GRIK2: variants seen among roughly 807,000 people sequenced by gnomAD.
GRIK2 encodes the protein glutamate receptor ionotropic, kainate 2.
A neutral mutation model predicts 100.3 loss-of-function variants in GRIK2; 32 were observed. The observed-to-expected ratio is 0.32, with a 90% CI of 0.24 to 0.43. GRIK2 has a LOEUF of 0.43. Ranked by LOEUF, GRIK2 falls within the 20% of genes least tolerant of loss-of-function variation. The probability of loss-of-function intolerance (pLI) is 1.00; values close to 1 mark genes in which losing one functional copy is unlikely to be tolerated. For missense variants in GRIK2, 843 were observed against 1,114.9 expected, an observed-to-expected ratio of 0.76 and a Z score of 3.47; for synonymous variants, 417 against 389.4, an observed-to-expected ratio of 1.07 and a Z score of -0.83.
intron 1 of GRIK2, among the ~76,000 whole-genome samples, chr6:101,397,343 C>T (rs1323611316): frequency 2.0e-5 from 3 of 152,088 alleles, no homozygotes; most frequent in African/African-American, 4.8e-5. Flanking sequence ...GAAGACAGAA[C>T]GTGTTGGGCT....
At chr6:101,537,636 T>C (rs1007952775) in intron 2 of GRIK2, among the ~76,000 whole-genome samples, 10 of 151,696 alleles carry the variant, frequency 6.6e-5, no homozygotes, top group African/African-American at 2.4e-4. Context: ...TGTGAGAGGA[T>C]TTCAAATTGT....
intron 11 of GRIK2, among the ~76,000 whole-genome samples, chr6:101,875,351 C>G (rs927728820): frequency 9.2e-5 from 14 of 151,814 alleles, no homozygotes; most frequent in African/African-American, 3.1e-4. Context: ...TTTTTAAGTA[C>G]TATCGCTAGT....
chr6:101,785,681 T>C (rs986960870), intron 7 of GRIK2, among the ~76,000 whole-genome samples: 1 of 152,192 alleles, frequency 6.6e-6, no homozygotes, highest in Non-Finnish European at 1.5e-5. Context: ...TCTATGTGTC[T>C]GTTTTTATAC....
chr6:101,692,571 G>T (rs1351612462), intron 7 of GRIK2, among the ~76,000 whole-genome samples: 2 of 152,018 alleles, frequency 1.3e-5, no homozygotes, highest in Non-Finnish European at 2.9e-5. Flanking sequence ...AAAATGTGAT[G>T]TTGATTGCTT....
Position 101,422,848 on chromosome 6 carries a change from C to T in GRIK2, c.115+23456C>T, listed in dbSNP as rs115790733. Reference sequence around the variant, plus strand: ...ACCAGAAAAAATAATTATGTGAATACATATGTGGACATCACTTAGAACTCT... The same window carrying T: ...ACCAGAAAAAATAATTATGTGAATATATATGTGGACATCACTTAGAACTCT... On this transcript the variant is annotated intron_variant, in intron 2 of 16. Coordinates refer to ENST00000369134, the MANE Select transcript of GRIK2 (RefSeq NM_021956.5). Among the ~76,000 whole-genome samples the T allele has an allele frequency of 2.6e-3, 394 of 152,218 alleles. 2 individuals are homozygous for T. The highest frequency in any genetic ancestry group is 9.0e-3 in the African/African-American group (375 of 41,550).
chr6:101,923,177 T>G (rs576491033), intron 12 of GRIK2, among the ~76,000 whole-genome samples: 1 of 152,188 alleles, frequency 6.6e-6, no homozygotes, highest in East Asian at 1.9e-4. Flanking sequence ...AGGAACATTA[T>G]TGTGAAGAAA....
intron 2 of GRIK2, among the ~76,000 whole-genome samples, chr6:101,619,562 A>C (rs936410800): frequency 6.6e-6 from 1 of 152,014 alleles, no homozygotes; most frequent in African/African-American, 2.4e-5. Context: ...CTTTTATTAC[A>C]TAGAAACTAC....
chr6:101,832,589 G>A (rs1782773660), intron 10 of GRIK2, among the ~76,000 whole-genome samples: 1 of 152,152 alleles, frequency 6.6e-6, no homozygotes, highest in Non-Finnish European at 1.5e-5. Context: ...TCAAGCTGAA[G>A]ACGTGGCTGG....
At chr6:101,775,565 C>T (rs900312895) in intron 7 of GRIK2, among the ~76,000 whole-genome samples, 2 of 149,604 alleles carry the variant, frequency 1.3e-5, no homozygotes, top group African/African-American at 4.9e-5. Flanking sequence ...TATATATACA[C>T]ACACACACAT....
At chr6:101,657,908 C>A (rs1037658197) in intron 4 of GRIK2, among the ~76,000 whole-genome samples, 1 of 151,776 alleles carries the variant, frequency 6.6e-6, no homozygotes, top group African/African-American at 2.4e-5. Context: ...AGAGAATTAT[C>A]CCTGTTCTTC....
intron 12 of GRIK2, among the ~76,000 whole-genome samples, chr6:101,899,369 A>G (rs1459424779): frequency 6.6e-6 from 1 of 151,968 alleles, no homozygotes; most frequent in Non-Finnish European, 1.5e-5. Flanking sequence ...TTTGTTTGGA[A>G]GCCCAGAAAT....
At chr6:101,587,531 C>G (rs560510580) in intron 2 of GRIK2, among the ~76,000 whole-genome samples, 1 of 152,008 alleles carries the variant, frequency 6.6e-6, no homozygotes, top group East Asian at 1.9e-4. Context: ...ATTTAAGGAG[C>G]TAATGATAGA....
intron 2 of GRIK2, among the ~76,000 whole-genome samples, chr6:101,605,126 G>A (rs1020008485): frequency 4.0e-5 from 6 of 151,898 alleles, no homozygotes; most frequent in African/African-American, 1.4e-4. Context: ...TCAACACAAT[G>A]CATATGTTGT....
chr6:102,013,059 T>C (rs1348969350), intron 14 of GRIK2, among the ~76,000 whole-genome samples: 11 of 152,330 alleles, frequency 7.2e-5, no homozygotes, highest in Non-Finnish European at 1.6e-4. Context: ...ATTTTTCCTA[T>C]CTATGAGTAT....
intron 2 of GRIK2, among the ~76,000 whole-genome samples, chr6:101,528,093 T>C (rs1343424330): frequency 6.6e-6 from 1 of 152,088 alleles, no homozygotes; most frequent in Non-Finnish European, 1.5e-5. Flanking sequence ...CTGTAAGATG[T>C]GTATAATCAT....
At chr6:101,805,788 T>C (rs11756558) in intron 9 of GRIK2, among the ~76,000 whole-genome samples, 4,271 of 152,128 alleles carry the variant, frequency 0.028, 93 homozygotes, top group South Asian at 0.06. Flanking sequence ...TACATAATGT[T>C]CGGAAACATG....
intron 7 of GRIK2, among the ~76,000 whole-genome samples, chr6:101,730,677 T>C (rs2128370841): frequency 6.6e-6 from 1 of 151,186 alleles, no homozygotes; most frequent in African/African-American, 2.4e-5. Flanking sequence ...TTGATATAGA[T>C]CATAAGCAAG....
At chr6:101,443,697 T>C (rs17061967) in intron 2 of GRIK2, among the ~76,000 whole-genome samples, 16,624 of 151,986 alleles carry the variant, frequency 0.11, 967 homozygotes, top group African/African-American at 0.14. Flanking sequence ...TATGTGCATA[T>C]ATTTGGGAGA....
chr6:102,053,600 A>T (rs969273834), intron 15 of GRIK2, among the ~76,000 whole-genome samples: 2 of 152,176 alleles, frequency 1.3e-5, no homozygotes, highest in African/African-American at 4.8e-5. Flanking sequence ...ATGGATGTAG[A>T]TATTCATCTG....
Sources: gnomAD v4.1 joint callset for allele counts (sites outside exome capture counted in the v4.1 genomes callset) on GRCh38, gnomAD v4.1.1 for gene constraint, MANE v1.5 for transcripts, NCBI Gene and HGNC (gene_info 2026-07-23, HGNC 2026-07-21) for gene names.